The following SSH1 variants were observed in gnomAD, a reference collection of about 807,000 sequenced individuals.
SSH1 encodes protein phosphatase Slingshot homolog 1.
A neutral mutation model predicts 79.7 loss-of-function variants in SSH1; 43 were observed. The ratio of observed to expected loss-of-function variants is 0.54; its 90% confidence interval spans 0.42 to 0.70. The LOEUF (loss-of-function observed/expected upper bound fraction) is 0.70, where lower values mean the gene tolerates loss of function less well. Among genes scored for constraint, SSH1 ranks in the 30% least tolerant of loss-of-function variants. SSH1 has a pLI of 0.00. For synonymous variants in SSH1, 599 were observed against 538.3 expected, an observed-to-expected ratio of 1.11 and a Z score of -1.56; for missense variants, 1,206 against 1,358.8, an observed-to-expected ratio of 0.89 and a Z score of 1.77.
rs537959354 is a variant in SSH1 at position 108,827,937 on chromosome 12, T to A, written c.111-4576A>T. ...GTAGAGGGGACCACATGCACACCTATGAGGAGCTCTGGGATACGCACGGTG... is the reference window on the plus strand; with the variant it reads ...GTAGAGGGGACCACATGCACACCTAAGAGGAGCTCTGGGATACGCACGGTG... On this transcript the variant is annotated intron_variant, in intron 2 of 14. Transcript: ENST00000326495. Among the ~76,000 whole-genome samples, 191 of 152,320 alleles carry A rather than the reference T, an allele frequency of 1.3e-3. 2 individuals are homozygous for A. The highest frequency in any genetic ancestry group is 2.1e-3 in the Non-Finnish European group (142 of 68,016).
chr12:108,831,355 A>G (rs1371610853), intron 2 of SSH1, among the ~76,000 whole-genome samples: 1 of 152,230 alleles, frequency 6.6e-6, no homozygotes, highest in African/African-American at 2.4e-5. Flanking sequence ...GGTGCCAACG[A>G]GCATTCCAAA....
chr12:108,821,604 A>T (rs1032185726), intron 3 of SSH1, among the ~76,000 whole-genome samples: 1 of 152,168 alleles, frequency 6.6e-6, no homozygotes, highest in Admixed American at 6.5e-5. Context: ...TAGGAAACTG[A>T]GGCTTAGAAG....
intron 2 of SSH1, chr12:108,827,628 C>G: frequency 1.8e-6 from 2 of 1,138,630 alleles, no homozygotes; most frequent in Non-Finnish European, 2.2e-6. Flanking sequence ...CACTGCACTC[C>G]TACGGGCTTT....
At chr12:108,792,907 C>T in intron 13 of SSH1, 78 bp from the exon 14 acceptor site, 1 of 1,578,098 alleles carries the variant, frequency 6.3e-7, no homozygotes, top group Non-Finnish European at 8.6e-7. Context: ...TGCGGTGAGC[C>T]AGTGAGGGGC....
intron 13 of SSH1, among the ~76,000 whole-genome samples, 160 bp from the exon 14 acceptor site, chr12:108,792,989 C>T (rs2036580339): frequency 6.6e-6 from 1 of 152,180 alleles, no homozygotes; most frequent in Non-Finnish European, 1.5e-5. Context: ...CATTTGTTCC[C>T]AAGAAACACA....
chr12:108,811,560 G>A lies in SSH1; in HGVS notation c.402-232C>T, dbSNP rs111430473. 3.1e-3 allele frequency: 1,754 copies of A among 570,794 alleles called. 22 individuals are homozygous for A. Among genetic ancestry groups the A allele is most frequent in the African/African-American group, 0.029 (1,586 of 54,050 alleles). 35.4% of individuals were successfully genotyped at this position (570,794 alleles called of 1,614,324 possible). A position where few individuals can be genotyped will look rare whatever the true frequency, so the allele number is the denominator to read the frequency against. On this transcript the variant is annotated intron_variant, in intron 5 of 14. Coordinates refer to ENST00000326495, the MANE Select transcript of SSH1 (RefSeq NM_018984.4). ...CTTTTGGGTGCAGTGTGGGCTGACCGCACGCCCACTCTACAGCAGGGAGGC... is the reference window on the plus strand; with the variant it reads ...CTTTTGGGTGCAGTGTGGGCTGACCACACGCCCACTCTACAGCAGGGAGGC...
intron 2 of SSH1, among the ~76,000 whole-genome samples, chr12:108,837,658 G>T (rs577299616): frequency 2.6e-5 from 4 of 152,214 alleles, no homozygotes. Context: ...TGGAAAACAT[G>T]TAAGTATTTG....
In SSH1 at chr12:108,823,394, C is replaced by G. The variant is rs367631035; in HGVS notation, c.111-33G>C. The G allele has an allele frequency of 5.3e-6, 8 of 1,522,886 alleles. No individual in the cohort carries two copies. In the Admixed American group the frequency reaches 5.9e-5, roughly 11 times the overall value. The allele number at this position is 1,522,886 out of a possible 1,614,324, so 94.3% of individuals were successfully genotyped here. ...GGATAAGACCAGAGCACAGTTAGAC[C>G]GGAATTCAGACAGGAAAATGGACAA... is the stretch of plus-strand genomic sequence containing the variant. On this transcript the variant is annotated intron_variant, in intron 2 of 14. Coordinates refer to ENST00000326495, the MANE Select transcript of SSH1 (RefSeq NM_018984.4).
intron 9 of SSH1, among the ~76,000 whole-genome samples, chr12:108,805,808 G>A (rs1305091722): frequency 2.0e-5 from 3 of 151,954 alleles, no homozygotes; most frequent in African/African-American, 7.3e-5. Flanking sequence ...AAAAAGCAAT[G>A]GAAAAAAAAG....
At chr12:108,798,611 C>T (rs746234912) in intron 13 of SSH1, among the ~76,000 whole-genome samples, 10 of 152,320 alleles carry the variant, frequency 6.6e-5, no homozygotes, top group African/African-American at 2.2e-4. Flanking sequence ...TGTGCCTCTC[C>T]GAGTCCTTGG....
At chr12:108,808,898 A>T (rs1383922159) in intron 7 of SSH1, among the ~76,000 whole-genome samples, 2 of 125,990 alleles carry the variant, frequency 1.6e-5, no homozygotes, top group Non-Finnish European at 3.1e-5. Context: ...CAGGGGCGTG[A>T]TCTCGGTTCA....
chr12:108,819,045 C>A (rs1010185790), intron 3 of SSH1, among the ~76,000 whole-genome samples: 4 of 152,142 alleles, frequency 2.6e-5, no homozygotes, highest in Non-Finnish European at 5.9e-5. Flanking sequence ...TAAGCTACCC[C>A]ACCCAGGCCC....
At chr12:108,793,987 G>A (rs1223776229) in intron 13 of SSH1, among the ~76,000 whole-genome samples, 2 of 152,174 alleles carry the variant, frequency 1.3e-5, no homozygotes, top group Admixed American at 6.5e-5. Context: ...CTCAGGGAGA[G>A]GTCAGTGAGA....
rs1214164941 is a variant in SSH1, at chr12:108,857,577, G to A, written c.-81C>T. 1.3e-4 allele frequency: 109 copies of A among 828,720 alleles called. No homozygotes were observed. Among genetic ancestry groups the A allele is most frequent in the Middle Eastern group, 5.9e-4 (1 of 1,702 alleles). 51.3% of individuals were successfully genotyped at this position (828,720 alleles called of 1,614,324 possible). On this transcript the variant is annotated 5_prime_UTR_variant, in exon 1 of 15. Coordinates refer to ENST00000326495, the MANE Select transcript of SSH1 (RefSeq NM_018984.4). The surrounding 1 kb of genome is among the most constrained non-coding windows in gnomAD (Gnocchi z 4.7). ...CACCGCCGCCCGGGCCGGGCCCGGG[G>A]CCTCCTGGAGCCGCGCGCGGGCGGC...
At chr12:108,819,095 A>G (rs1274561594) in intron 3 of SSH1, among the ~76,000 whole-genome samples, 2 of 151,684 alleles carry the variant, frequency 1.3e-5, no homozygotes, top group Non-Finnish European at 2.9e-5. Context: ...GGCAGACATT[A>G]TTTCCATAAC....
Position 108,783,088 on chromosome 12 carries a change from G to A in SSH1, c.*4900C>T, listed in dbSNP as rs1020134234. 1.6e-4 allele frequency: 25 copies of A among 152,352 alleles called. No homozygotes were observed. Among genetic ancestry groups the A allele is most frequent in the African/African-American group, 6.0e-4 (25 of 41,580 alleles). 9.4% of individuals were successfully genotyped at this position (152,352 alleles called of 1,614,324 possible). A position where few individuals can be genotyped will look rare whatever the true frequency, so the allele number is the denominator to read the frequency against. The stretch of plus-strand genomic sequence containing the variant: ...AAGAAGAGTATGATTGTGTGACTGG[G>A]GAATGGGCAGGTGCTGGACTCTGGT... On this transcript the variant is annotated 3_prime_UTR_variant, in exon 15 of 15. Transcript: ENST00000326495.
At chr12:108,846,471 C>T (rs1288017712) in intron 2 of SSH1, among the ~76,000 whole-genome samples, 1 of 152,228 alleles carries the variant, frequency 6.6e-6, no homozygotes, top group Non-Finnish European at 1.5e-5. Flanking sequence ...TTCCCACAGT[C>T]TGAACGGCAC....
intron 2 of SSH1, among the ~76,000 whole-genome samples, chr12:108,830,391 G>C (rs935089468): frequency 6.6e-6 from 1 of 152,166 alleles, no homozygotes; most frequent in Non-Finnish European, 1.5e-5. Context: ...GGTCGAGGCT[G>C]CACTGAGTGG....
At position 108,783,199 on chromosome 12, in the gene SSH1, G is replaced by C. The variant is rs747641327; in HGVS notation, c.*4789C>G. The C allele has an allele frequency of 6.6e-6, 1 of 152,242 alleles. No homozygotes were observed. Among genetic ancestry groups the C allele is most frequent in the Non-Finnish European group, 1.5e-5 (1 of 68,062 alleles). The allele number at this position is 152,242 out of a possible 1,614,324, so 9.4% of individuals were successfully genotyped here. Reference sequence around the variant, plus strand: ...CATTGGCTCCTATGGGACACAGCATGGGCCAATGCCTGCCTGGCCTGCAGG... The same window carrying C: ...CATTGGCTCCTATGGGACACAGCATCGGCCAATGCCTGCCTGGCCTGCAGG... On this transcript the variant is annotated 3_prime_UTR_variant, in exon 15 of 15. Coordinates refer to ENST00000326495, the MANE Select transcript of SSH1 (RefSeq NM_018984.4).
Sources: allele counts gnomAD v4.1 joint callset (sites outside exome capture counted in the v4.1 genomes callset), GRCh38; gene constraint gnomAD v4.1.1; non-coding constraint Gnocchi (gnomAD v3.1); transcripts MANE v1.5; gene names NCBI Gene and HGNC (gene_info 2026-07-23, HGNC 2026-07-21).